Variants in VWC2 observed in about 807,000 individuals in gnomAD.
VWC2 encodes the protein von Willebrand factor C domain containing 2.
A neutral mutation model predicts 29.8 loss-of-function variants in VWC2; 14 were observed. The observed-to-expected ratio is 0.47, with a 90% CI of 0.31 to 0.74. The LOEUF (loss-of-function observed/expected upper bound fraction) is 0.74. Among genes scored for constraint, VWC2 ranks in the 30% least tolerant of loss-of-function variants. The probability of loss-of-function intolerance (pLI) is 0.05; values close to 1 mark genes in which losing one functional copy is unlikely to be tolerated. For synonymous variants in VWC2, 213 were observed against 199.0 expected (o/e 1.07, Z -0.59); for missense variants, 457 against 459.8 (o/e 0.99, Z 0.05).
chr7:49,882,532 C>A (rs139652571), intron 3 of VWC2, among the ~76,000 whole-genome samples: 3,741 of 151,738 alleles, frequency 0.025, 86 homozygotes, highest in Middle Eastern at 0.075. Context: ...GACAGAGGGA[C>A]ACACAGAGAG....
intron 3 of VWC2, among the ~76,000 whole-genome samples, chr7:49,815,968 G>A (rs1353566385): frequency 6.6e-6 from 1 of 152,152 alleles, no homozygotes; most frequent in Admixed American, 6.5e-5. Context: ...ATTTATGAAG[G>A]ACACAGCATT....
At chr7:49,845,891 G>A (rs927419194) in intron 3 of VWC2, among the ~76,000 whole-genome samples, 3 of 152,118 alleles carry the variant, frequency 2.0e-5, no homozygotes, top group South Asian at 4.2e-4. Flanking sequence ...ACACCCACAC[G>A]TTTCTCATCT....
At chr7:49,909,011 C>T (rs530152659) in intron 3 of VWC2, among the ~76,000 whole-genome samples, 10 of 152,304 alleles carry the variant, frequency 6.6e-5, no homozygotes, top group African/African-American at 1.2e-4. Context: ...AAGACTTTTG[C>T]TAGCATTTGT....
chr7:49,808,321 T>C (rs535005088), intron 3 of VWC2, among the ~76,000 whole-genome samples: 1 of 152,208 alleles, frequency 6.6e-6, no homozygotes, highest in East Asian at 1.9e-4. Context: ...AGGATACTGA[T>C]AGAAGGCAAG....
rs142194889 is a variant in VWC2 at position 49,887,621 on chromosome 7, T to A, written c.827-24413T>A. ...GGCAGATGTCAATGGTTTCCATTTG[T>A]ACAGGATTCAACACAACTTATGGCA... On this transcript the variant is annotated intron_variant, in intron 3 of 3. Transcript: ENST00000340652. Among the ~76,000 whole-genome samples the A allele has an allele frequency of 4.2e-3, 640 of 152,286 alleles. 3 individuals carry two copies. The highest frequency in any genetic ancestry group is 0.015 in the African/African-American group (622 of 41,522).
At chr7:49,907,092 C>G (rs1487204829) in intron 3 of VWC2, among the ~76,000 whole-genome samples, 1 of 151,964 alleles carries the variant, frequency 6.6e-6, no homozygotes, top group African/African-American at 2.4e-5. Context: ...GAGTGATAAG[C>G]TGGGACATGT....
intron 3 of VWC2, among the ~76,000 whole-genome samples, chr7:49,909,508 G>A (rs868019375): frequency 5.9e-5 from 9 of 152,166 alleles, no homozygotes; most frequent in Non-Finnish European, 7.4e-5. Flanking sequence ...GTGGTGGAGT[G>A]CAGAGAGGAC....
chr7:49,794,415 G>C (rs1788537150), intron 2 of VWC2, among the ~76,000 whole-genome samples: 1 of 152,244 alleles, frequency 6.6e-6, no homozygotes, highest in Non-Finnish European at 1.5e-5. Context: ...GCAATATTAA[G>C]TGCTTGCCCA....
chr7:49,775,656 G>C lies in VWC2; in HGVS notation c.221G>C (p.Arg74Pro), dbSNP rs1469886937. The change falls in exon 2 of 4, where the codon CGG becomes CCG. Residue 74 changes from arginine to proline, a missense_variant. Physicochemically the swap from Arg to Pro is moderately radical, Grantham distance 103 (BLOSUM62 -2). This residue lies in a region of VWC2 where 272 missense variants were observed against 202.7 expected (regional missense o/e 1.34). Transcript: ENST00000340652. ...GCGAGGGACGAGGGCGGCAGCGGCC[G>C]GGACTGGAAGAGCAAGAGCGGCCGT... ...RPARDEGGSG[R>P]DWKSKSGRGL... 1.3e-6 allele frequency: 2 copies of C among 1,527,124 alleles called. No individual in the cohort carries two copies. Among genetic ancestry groups the C allele is most frequent in the Non-Finnish European group, 1.8e-6 (2 of 1,140,312 alleles). The allele number at this position is 1,527,124 out of a possible 1,614,324, so 94.6% of individuals were successfully genotyped here.
intron 3 of VWC2, among the ~76,000 whole-genome samples, chr7:49,825,476 G>C (rs1368562122): frequency 6.6e-6 from 1 of 152,178 alleles, no homozygotes; most frequent in Non-Finnish European, 1.5e-5. Context: ...TGGAATCACA[G>C]TGTGGATATA....
In VWC2 at chr7:49,775,822, C is replaced by G; in HGVS notation, c.387C>G (p.Asp129Glu). The change falls in exon 2 of 4, where the codon GAC becomes GAG. Residue 129 changes from aspartate to glutamate, a missense_variant. By Grantham distance (45) the Asp-to-Glu change is conservative. This residue lies in a region of VWC2 where 272 missense variants were observed against 202.7 expected (regional missense o/e 1.34). Coordinates refer to ENST00000340652, the MANE Select transcript of VWC2 (RefSeq NM_198570.5). ...QAEALAAAAQDAIGPELAPTP... is the reference protein window; with the variant it reads ...QAEALAAAAQEAIGPELAPTP... Reference sequence around the variant, plus strand: ...AAGCCCTGGCCGCAGCCGCCCAGGACGCGATTGGCCCGGAACTCGCGCCCA... The same window carrying G: ...AAGCCCTGGCCGCAGCCGCCCAGGAGGCGATTGGCCCGGAACTCGCGCCCA... 2 of 1,543,986 alleles carry G rather than the reference C, an allele frequency of 1.3e-6. No individual in the cohort carries two copies. The highest frequency in any genetic ancestry group is 1.7e-6 in the Non-Finnish European group (2 of 1,144,778).
At chr7:49,859,753 A>G (rs1790570660) in intron 3 of VWC2, among the ~76,000 whole-genome samples, 1 of 151,920 alleles carries the variant, frequency 6.6e-6, no homozygotes, top group African/African-American at 2.4e-5. Flanking sequence ...ATTTCTCCCT[A>G]CAGATGTACT....
chr7:49,854,104 C>T (rs1483084845), intron 3 of VWC2, among the ~76,000 whole-genome samples: 3 of 152,022 alleles, frequency 2.0e-5, no homozygotes, highest in Non-Finnish European at 2.9e-5. Context: ...TTTCTTAATC[C>T]AGTCTATCAT....
chr7:49,853,421 C>A (rs148481355), intron 3 of VWC2, among the ~76,000 whole-genome samples: 16 of 152,194 alleles, frequency 1.1e-4, no homozygotes, highest in African/African-American at 3.9e-4. Context: ...CTGTTCTGTG[C>A]CAGGAGCTCT....
chr7:49,840,385 G>A (rs1421711534), intron 3 of VWC2, among the ~76,000 whole-genome samples: 4 of 152,068 alleles, frequency 2.6e-5, no homozygotes, highest in East Asian at 1.9e-4. Flanking sequence ...TGTCTGCCTC[G>A]CAGGGGCCCA....
At chr7:49,850,758 C>T (rs895070368) in intron 3 of VWC2, among the ~76,000 whole-genome samples, 3 of 152,248 alleles carry the variant, frequency 2.0e-5, no homozygotes, top group Non-Finnish European at 4.4e-5. Context: ...AATTACTTCA[C>T]CCTGCATAAC....
intron 3 of VWC2, among the ~76,000 whole-genome samples, chr7:49,806,240 C>CTA (rs1393961034): frequency 6.6e-6 from 1 of 152,190 alleles, no homozygotes; most frequent in Non-Finnish European, 1.5e-5. Context: ...GCACTAGGCT[C>CTA]CCATTAGCGA....
In VWC2 at chr7:49,840,624, C is replaced by T. The variant is rs117120187; in HGVS notation, c.826+37784C>T. Among the ~76,000 whole-genome samples the T allele has an allele frequency of 8.5e-3, 1,288 of 152,252 alleles. 9 individuals carry two copies. The highest frequency in any genetic ancestry group is 0.014 in the Non-Finnish European group (947 of 68,002). ...AACTCCTCTGATTCTATTTTGTGAG[C>T]ATAAGGAGTATTGGTTTGATTATTT... On this transcript the variant is annotated intron_variant, in intron 3 of 3. Transcript: ENST00000340652.
At chr7:49,893,201 T>A (rs755492316) in intron 3 of VWC2, among the ~76,000 whole-genome samples, 6 of 152,238 alleles carry the variant, frequency 3.9e-5, no homozygotes, top group Non-Finnish European at 7.4e-5. Flanking sequence ...ATATGATAAA[T>A]CAACTTGAAA....
Sources: gnomAD v4.1 joint callset for allele counts (sites outside exome capture counted in the v4.1 genomes callset) on GRCh38, gnomAD v4.1.1 for gene constraint, gnomAD v4.1.1 regional missense constraint, MANE v1.5 for transcripts, NCBI Gene and HGNC (gene_info 2026-07-23, HGNC 2026-07-21) for gene names.